KREMEN1: variants seen among roughly 807,000 people sequenced by gnomAD.
KREMEN1 encodes the protein kringle containing transmembrane protein 1.
In KREMEN1, 30 loss-of-function variants were observed where a neutral mutation model predicts 46.5. The observed-to-expected ratio is 0.65, with a 90% CI of 0.48 to 0.88. The LOEUF is 0.88. Ranked by LOEUF, KREMEN1 falls within the 40% of genes least tolerant of loss-of-function variation. The probability of loss-of-function intolerance (pLI) is 0.00; values close to 1 mark genes in which losing one functional copy is unlikely to be tolerated. For missense variants in KREMEN1, 533 were observed against 596.9 expected (o/e 0.89, Z 1.11); for synonymous variants, 214 against 230.6 (o/e 0.93, Z 0.65).
chr22:29,090,206 G>A (rs2037785465), intron 1 of KREMEN1, among the ~76,000 whole-genome samples: 1 of 152,174 alleles, frequency 6.6e-6, no homozygotes, highest in Non-Finnish European at 1.5e-5. Context: ...CACTGAATAC[G>A]TAAATAAACA....
chr22:29,115,882 T>C (rs895085476), intron 3 of KREMEN1, among the ~76,000 whole-genome samples: 5 of 152,126 alleles, frequency 3.3e-5, no homozygotes, highest in Admixed American at 2.0e-4. Context: ...GCAAATACAC[T>C]ACAATTTGGT....
intron 1 of KREMEN1, among the ~76,000 whole-genome samples, chr22:29,075,892 C>T (rs1643911534): frequency 6.6e-6 from 1 of 152,154 alleles, no homozygotes; most frequent in Non-Finnish European, 1.5e-5. Flanking sequence ...TGAATGCTGA[C>T]TTTATAAAAA....
intron 3 of KREMEN1, among the ~76,000 whole-genome samples, chr22:29,112,122 G>T (rs1038364651): frequency 1.3e-5 from 2 of 151,960 alleles, no homozygotes; most frequent in Non-Finnish European, 2.9e-5. Flanking sequence ...CTTCCTCTTC[G>T]TGGACCAGCA....
chr22:29,160,597 G>A (rs1013358854), intron 9 of KREMEN1, among the ~76,000 whole-genome samples: 7 of 149,460 alleles, frequency 4.7e-5, no homozygotes, highest in Admixed American at 1.3e-4. Context: ...ACAATTACAT[G>A]AAAATTAAAT....
chr22:29,096,577 G>A (rs541274543), intron 2 of KREMEN1, among the ~76,000 whole-genome samples: 38 of 152,266 alleles, frequency 2.5e-4, no homozygotes, highest in African/African-American at 8.9e-4. Context: ...TGGAATGCAG[G>A]AGACCTGAAC....
intron 1 of KREMEN1, among the ~76,000 whole-genome samples, chr22:29,085,634 T>C (rs1268796540): frequency 6.6e-6 from 1 of 152,168 alleles, no homozygotes; most frequent in Admixed American, 6.5e-5. Context: ...TTTTTTTCTT[T>C]TCTTGCAATT....
chr22:29,121,372 G>A lies in KREMEN1; in HGVS notation c.368G>A (p.Gly123Asp). The A allele has an allele frequency of 2.5e-6, 4 of 1,613,866 alleles. No homozygotes were observed. Among genetic ancestry groups the A allele is most frequent in the Non-Finnish European group, 3.4e-6 (4 of 1,179,956 alleles). ...TTTTCTTTAGTGCCTGGAAACCTTGGCTGCTACAAGGATCATGGAAACCCA... is the reference window on the plus strand; with the variant it reads ...TTTTCTTTAGTGCCTGGAAACCTTGACTGCTACAAGGATCATGGAAACCCA... ...IPACQMPGNL[G>D]CYKDHGNPPP... is the part of the protein sequence containing the mutation. Residue 123 changes from glycine (G) to aspartate (D), a missense_variant, in exon 4 of 9, where the codon GGC becomes GAC. Gly to Asp is a moderately conservative substitution (Grantham distance 94). Coordinates refer to ENST00000400335, the MANE Select transcript of KREMEN1 (RefSeq NM_001039570.3).
chr22:29,084,250 C>A (rs2037699416), intron 1 of KREMEN1, among the ~76,000 whole-genome samples: 1 of 152,008 alleles, frequency 6.6e-6, no homozygotes, highest in Non-Finnish European at 1.5e-5. Context: ...TTACCACATC[C>A]TGTTTTATCA....
chr22:29,089,664 C>T lies in KREMEN1; in HGVS notation c.98-4594C>T, dbSNP rs115298865. The stretch of plus-strand genomic sequence containing the variant: ...GCTCTAAACCCTCCAGTGGCTTCCC[C>T]TTACACTTAGAACAAAAGCCAAAAT... On this transcript the variant is annotated intron_variant, in intron 1 of 8. Transcript: ENST00000400335. 3.0e-3 allele frequency among the ~76,000 whole-genome samples: 464 copies of T among 152,312 alleles called. 3 individuals are homozygous for T. Among genetic ancestry groups the T allele is most frequent in the African/African-American group, 0.011 (450 of 41,568 alleles).
chr22:29,104,038 C>T (rs1390587509), intron 3 of KREMEN1, among the ~76,000 whole-genome samples: 4 of 151,686 alleles, frequency 2.6e-5, no homozygotes, highest in African/African-American at 9.7e-5. Context: ...TGTATGTTTG[C>T]AACTTTGAAT....
chr22:29,156,728 C>T (rs188691549), intron 9 of KREMEN1, among the ~76,000 whole-genome samples: 10 of 152,230 alleles, frequency 6.6e-5, no homozygotes, highest in Non-Finnish European at 1.3e-4. Context: ...AGGGCCTGCA[C>T]GCAGAGCTGG....
chr22:29,119,508 T>C (rs1165749759), intron 3 of KREMEN1, among the ~76,000 whole-genome samples: 1 of 152,240 alleles, frequency 6.6e-6, no homozygotes, highest in African/African-American at 2.4e-5. Flanking sequence ...CCACCCTCCA[T>C]CCTGAAGCTA....
At position 29,144,072 on chromosome 22, in the gene KREMEN1, G is replaced by A. The variant is rs1357692661; in HGVS notation, c.*1960G>A. On this transcript the variant is annotated 3_prime_UTR_variant, in exon 9 of 9. Transcript: ENST00000400335. ...ACAGCAGCTGAGAAAAGCAGCCTGT[G>A]CCTCTGCTGGCCAGGCCTAGGCCCT... 4.1e-6 allele frequency: 4 copies of A among 985,440 alleles called. No homozygotes were observed. The Admixed American group carries it at 2.5e-4, about 61-fold the overall frequency. The allele number at this position is 985,440 out of a possible 1,614,324, so 61.0% of individuals were successfully genotyped here. A position where few individuals can be genotyped will look rare whatever the true frequency, so the allele number is the denominator to read the frequency against.
intron 5 of KREMEN1, among the ~76,000 whole-genome samples, chr22:29,133,160 A>G (rs5997447): frequency 0.078 from 11,841 of 151,270 alleles, 590 homozygotes; most frequent in African/African-American, 0.11. Flanking sequence ...AGGCAGGAGA[A>G]TGGCGTGAAC....
intron 9 of KREMEN1, among the ~76,000 whole-genome samples, chr22:29,155,140 A>C (rs1353960017): frequency 6.6e-6 from 1 of 151,946 alleles, no homozygotes; most frequent in African/African-American, 2.4e-5. Context: ...TTTTAAAAAG[A>C]GGGAGGGAAA....
chr22:29,164,600 G>A (rs561692668), intron 9 of KREMEN1, among the ~76,000 whole-genome samples: 268 of 152,038 alleles, frequency 1.8e-3, no homozygotes, highest in Non-Finnish European at 3.0e-3. Flanking sequence ...ACAAAAATTA[G>A]CTGGGTGTGG....
At chr22:29,106,313 C>G (rs191576481) in intron 3 of KREMEN1, among the ~76,000 whole-genome samples, 1 of 151,786 alleles carries the variant, frequency 6.6e-6, no homozygotes, top group Non-Finnish European at 1.5e-5. Flanking sequence ...CTCCGCCTCC[C>G]GGGTTCACGC....
chr22:29,153,845 TGCTACTCCCTA>T (rs1311869732), intron 9 of KREMEN1, among the ~76,000 whole-genome samples: 1 of 151,860 alleles, frequency 6.6e-6, no homozygotes, highest in Non-Finnish European at 1.5e-5. Context: ...CAGCCTGGCG[TGCTACTCCCTA>T]GCTACTCCGG....
In KREMEN1 at chr22:29,098,871, T is replaced by A; in HGVS notation, c.270T>A (p.Asp90Glu). 6.2e-7 allele frequency: 1 copy of A among 1,613,730 alleles called. No homozygotes were observed. Among genetic ancestry groups the A allele is most frequent in the Non-Finnish European group, 8.5e-7 (1 of 1,179,638 alleles). The change falls in exon 3 of 9, where the codon GAT becomes GAA. Residue 90 changes from aspartate to glutamate, a missense_variant. Coordinates refer to ENST00000400335, the MANE Select transcript of KREMEN1 (RefSeq NM_001039570.3). ...TCCTTTTCCCCAACAGAAATCCAGA[T>A]GGAGACGTGAGCCCCTGGTGCTATG... is the stretch of plus-strand genomic sequence containing the variant. ...LGEHNYCRNPDGDVSPWCYVA... is the reference protein window; with the variant it reads ...LGEHNYCRNPEGDVSPWCYVA...
Sources: gnomAD v4.1 joint callset for allele counts (sites outside exome capture counted in the v4.1 genomes callset) on GRCh38, gnomAD v4.1.1 for gene constraint, MANE v1.5 for transcripts, NCBI Gene and HGNC (gene_info 2026-07-23, HGNC 2026-07-21) for gene names.